Variants in MARCHF6 observed in about 807,000 individuals in gnomAD.
The protein encoded by MARCHF6 is membrane associated ring-CH-type finger 6.
A neutral mutation model predicts 133.7 loss-of-function variants in MARCHF6; 31 were observed. That is an observed-to-expected ratio of 0.23 (90% CI 0.17 to 0.31). The LOEUF is 0.31. MARCHF6 is among the 10% of genes least tolerant of loss of function. The probability of loss-of-function intolerance (pLI) is 1.00; values close to 1 mark genes in which losing one functional copy is unlikely to be tolerated. For synonymous variants in MARCHF6, 395 were observed against 402.5 expected, an observed-to-expected ratio of 0.98 and a Z score of 0.22; for missense variants, 723 against 1,121.6, an observed-to-expected ratio of 0.64 and a Z score of 5.08.
At chr5:10,410,749 C>T (rs1739182150) in intron 18 of MARCHF6, among the ~76,000 whole-genome samples, 1 of 152,092 alleles carries the variant, frequency 6.6e-6, no homozygotes, top group African/African-American at 2.4e-5. Context: ...AGTTTGGCAT[C>T]TTGTAGGTAT....
intron 4 of MARCHF6, among the ~76,000 whole-genome samples, chr5:10,385,488 A>G (rs553901162): frequency 3.9e-5 from 6 of 152,348 alleles, no homozygotes; most frequent in East Asian, 1.9e-4. Context: ...ATCTGTAATC[A>G]TAAGGGTTTA....
chr5:10,427,602 T>G (rs1740154912), intron 24 of MARCHF6, among the ~76,000 whole-genome samples: 2 of 152,180 alleles, frequency 1.3e-5, no homozygotes, highest in Admixed American at 6.5e-5. Flanking sequence ...GACCCCGTCC[T>G]CCCTTTAACC....
intron 23 of MARCHF6, among the ~76,000 whole-genome samples, chr5:10,424,824 T>C (rs1230458760): frequency 1.3e-5 from 2 of 152,204 alleles, no homozygotes; most frequent in African/African-American, 4.8e-5. Context: ...CCTAAGACTA[T>C]TATTGTATTA....
chr5:10,409,766 G>A (rs1037046832), intron 17 of MARCHF6, among the ~76,000 whole-genome samples: 1 of 152,190 alleles, frequency 6.6e-6, no homozygotes, highest in Non-Finnish European at 1.5e-5. Context: ...CAGAGATGAA[G>A]GGGAGGTAGC....
intron 1 of MARCHF6, among the ~76,000 whole-genome samples, chr5:10,361,660 G>A (rs1735834317): frequency 6.6e-6 from 1 of 152,182 alleles, no homozygotes; most frequent in Non-Finnish European, 1.5e-5. Flanking sequence ...GAATTACGGG[G>A]GGAGGGGCAG....
chr5:10,374,074 C>T (rs1005001283), intron 1 of MARCHF6, among the ~76,000 whole-genome samples: 21 of 151,504 alleles, frequency 1.4e-4, no homozygotes, highest in African/African-American at 5.1e-4. Context: ...AATAGGGAAT[C>T]TCAATTTGAT....
rs1735243798 is a variant in MARCHF6, at chr5:10,353,746, C to T, written c.-153C>T. On this transcript the variant is annotated 5_prime_UTR_variant, in exon 1 of 26. Coordinates refer to ENST00000274140, the MANE Select transcript of MARCHF6 (RefSeq NM_005885.4). ...GCTCGCTTTCTGTCAGCCTCTCTCCCTCTCCCTCTCCCCTCTCCTTCCTCT... is the reference window on the plus strand; with the variant it reads ...GCTCGCTTTCTGTCAGCCTCTCTCCTTCTCCCTCTCCCCTCTCCTTCCTCT... 4.9e-6 allele frequency: 3 copies of T among 608,748 alleles called. No homozygotes were observed. Among genetic ancestry groups the T allele is most frequent in the Admixed American group, 2.6e-5 (1 of 38,350 alleles). 37.7% of individuals were successfully genotyped at this position (608,748 alleles called of 1,614,324 possible).
intron 22 of MARCHF6, among the ~76,000 whole-genome samples, chr5:10,418,143 C>T (rs1393119942): frequency 6.6e-6 from 1 of 152,096 alleles, no homozygotes; most frequent in African/African-American, 2.4e-5. Flanking sequence ...CTTTGGGAGG[C>T]CAAGGTGGGT....
intron 15 of MARCHF6, among the ~76,000 whole-genome samples, chr5:10,405,259 TG>T (rs1168754641): frequency 6.6e-6 from 1 of 152,152 alleles, no homozygotes; most frequent in Non-Finnish European, 1.5e-5. Context: ...TAGTAATGGT[TG>T]TATTTATTTT....
At chr5:10,418,769 A>G (rs758404712) in intron 22 of MARCHF6, among the ~76,000 whole-genome samples, 3 of 152,228 alleles carry the variant, frequency 2.0e-5, no homozygotes, top group Non-Finnish European at 2.9e-5. Flanking sequence ...ACCCAGATGA[A>G]AATGAGGCTA....
Position 10,390,460 on chromosome 5 carries a change from C to G in MARCHF6, c.536C>G (p.Ala179Gly), listed in dbSNP as rs193296973. 1 of 1,614,018 alleles carries G rather than the reference C, an allele frequency of 6.2e-7. No individual in the cohort carries two copies. Among genetic ancestry groups the G allele is most frequent in the African/African-American group, 1.3e-5 (1 of 75,004 alleles). The change falls in exon 6 of 26, where the codon GCT becomes GGT. Residue 179 changes from alanine (A) to glycine (G), a missense_variant. Ala to Gly is a moderately conservative substitution (Grantham distance 60). This residue lies in a region of MARCHF6 where 97 missense variants were observed against 115.4 expected (regional missense o/e 0.84). Transcript: ENST00000274140. ...GGAGCACCAATTTGGTTGGAGCATG[C>G]TGCCCCACCGTTCAATGCTGCGGGG... ...HGGAPIWLEH[A>G]APPFNAAGHH...
chr5:10,419,714 A>G (rs915145136), intron 22 of MARCHF6, among the ~76,000 whole-genome samples: 3 of 152,102 alleles, frequency 2.0e-5, no homozygotes, highest in Admixed American at 6.5e-5. Context: ...ATAATTGATT[A>G]TAGCAAGGAT....
Position 10,400,765 on chromosome 5 carries a change from A to T in MARCHF6, c.914-19A>T, listed in dbSNP as rs1160736511. ...GTTTTGATGTCGGAGTTTTCATGGA[A>T]TTTTTTCCCCCTTTTTAGCATTTTG... On this transcript the variant is annotated intron_variant, in intron 10 of 25. Transcript: ENST00000274140. 6.2e-7 allele frequency: 1 copy of T among 1,601,644 alleles called. No individual in the cohort carries two copies. Among genetic ancestry groups the T allele is most frequent in the Non-Finnish European group, 8.6e-7 (1 of 1,169,212 alleles).
intron 1 of MARCHF6, among the ~76,000 whole-genome samples, chr5:10,354,378 A>C (rs1041641012): frequency 1.3e-5 from 2 of 152,106 alleles, no homozygotes; most frequent in African/African-American, 4.8e-5. Context: ...CTTCGCGAAA[A>C]ATACCCCGCC....
chr5:10,411,402 T>C lies in MARCHF6; in HGVS notation c.1761T>C (p.Asn587=). The change falls in exon 19 of 26, where the codon AAT becomes AAC. Residue 587 remains asparagine, a synonymous_variant. Coordinates refer to ENST00000274140, the MANE Select transcript of MARCHF6 (RefSeq NM_005885.4). ...NENSANQQVN[N]NQHARNNNAI... is the part of the protein sequence containing the mutation. ...ACAGTGCAAATCAACAAGTTAACAATAATCAGCATGCTCGAAATAACAACG... is the reference window on the plus strand; with the variant it reads ...ACAGTGCAAATCAACAAGTTAACAACAATCAGCATGCTCGAAATAACAACG... 1 of 1,614,226 alleles carries C rather than the reference T, an allele frequency of 6.2e-7. No homozygotes were observed.
intron 8 of MARCHF6, 129 bp from the exon 9 acceptor site, chr5:10,394,624 T>C: frequency 1.5e-6 from 1 of 655,504 alleles, no homozygotes; most frequent in Non-Finnish European, 2.6e-6. Flanking sequence ...ATAGGAAGTA[T>C]TGGAAAGTAT....
chr5:10,407,534 G>C (rs922413154), intron 17 of MARCHF6, among the ~76,000 whole-genome samples: 14 of 152,324 alleles, frequency 9.2e-5, no homozygotes, highest in African/African-American at 3.4e-4. Context: ...TACCTAATGA[G>C]AGTGTATTAG....
chr5:10,427,455 C>T (rs1190610078), intron 24 of MARCHF6, among the ~76,000 whole-genome samples: 1 of 152,134 alleles, frequency 6.6e-6, no homozygotes, highest in Non-Finnish European at 1.5e-5. Flanking sequence ...TTGATGTGGG[C>T]TTCAGTTTGA....
chr5:10,429,256 A>T, intron 24 of MARCHF6, among the ~76,000 whole-genome samples: 1 of 152,186 alleles, frequency 6.6e-6, no homozygotes, highest in East Asian at 1.9e-4. Flanking sequence ...AAAAATAAAT[A>T]CATGTGTGTT....
Sources: gnomAD v4.1 joint callset for allele counts (sites outside exome capture counted in the v4.1 genomes callset) on GRCh38, gnomAD v4.1.1 for gene constraint, gnomAD v4.1.1 regional missense constraint, MANE v1.5 for transcripts, NCBI Gene and HGNC (gene_info 2026-07-23, HGNC 2026-07-21) for gene names.